Variants in PRKAR2A observed in about 807,000 individuals in gnomAD.
The protein encoded by PRKAR2A is protein kinase cAMP-dependent type II regulatory subunit alpha.
PRKAR2A carries 29 observed loss-of-function variants against 51.9 expected under a neutral mutation model. The ratio of observed to expected loss-of-function variants is 0.56; its 90% CI spans 0.42 to 0.76. The LOEUF is 0.76. PRKAR2A is among the 30% of genes least tolerant of loss of function. The probability of loss-of-function intolerance (pLI) is 0.00; values close to 1 mark genes in which losing one functional copy is unlikely to be tolerated. For missense variants in PRKAR2A, 445 were observed against 512.1 expected (o/e 0.87, Z 1.26); for synonymous variants, 178 against 186.2 (o/e 0.96, Z 0.36).
At chr3:48,753,327 A>C (rs1287546335) in intron 9 of PRKAR2A, among the ~76,000 whole-genome samples, 1 of 152,056 alleles carries the variant, frequency 6.6e-6, no homozygotes, top group African/African-American at 2.4e-5. Flanking sequence ...TGCTAACCAA[A>C]GTGATAATTT....
At chr3:48,768,376 C>A (rs545627178) in intron 6 of PRKAR2A, among the ~76,000 whole-genome samples, 15 of 151,808 alleles carry the variant, frequency 9.9e-5, no homozygotes, top group Non-Finnish European at 2.1e-4. Context: ...GACAGACACA[C>A]ACACACACAT....
At chr3:48,769,003 G>T (rs1205085383) in intron 6 of PRKAR2A, among the ~76,000 whole-genome samples, 1 of 151,366 alleles carries the variant, frequency 6.6e-6, no homozygotes, top group Non-Finnish European at 1.5e-5. Flanking sequence ...AGGAGGCTGA[G>T]GCAGGAGAAT....
Position 48,749,707 on chromosome 3 carries a change from CCT to C in PRKAR2A, c.*1876_*1877del, listed in dbSNP as rs2081615205. On this transcript the variant is annotated 3_prime_UTR_variant, in exon 11 of 11. Coordinates refer to ENST00000265563, the MANE Select transcript of PRKAR2A (RefSeq NM_004157.4). ...ATGTTGGCCAGGCTGGTCTTGAACC[CCT>C]GACCTCGTGATCCGCCCGCCTCGGC... is the stretch of plus-strand genomic sequence containing the variant. The C allele has an allele frequency of 6.6e-6, 1 of 152,044 alleles. No homozygotes were observed. The allele number at this position is 152,044 out of a possible 1,614,324, so 9.4% of individuals were successfully genotyped here.
At chr3:48,817,119 G>C (rs1158938434) in intron 1 of PRKAR2A, among the ~76,000 whole-genome samples, 1 of 150,912 alleles carries the variant, frequency 6.6e-6, no homozygotes, top group East Asian at 2.0e-4. Flanking sequence ...ACGAGATCAA[G>C]AGATTGAGAC....
intron 1 of PRKAR2A, among the ~76,000 whole-genome samples, chr3:48,812,013 G>A (rs1350900631): frequency 6.6e-6 from 1 of 151,966 alleles, no homozygotes; most frequent in Admixed American, 6.6e-5. Flanking sequence ...ACTTTTGGGG[G>A]TGAAAAATGT....
Position 48,751,716 on chromosome 3 carries a change from T to C in PRKAR2A, c.1084A>G (p.Met362Val). 6.2e-7 allele frequency: 1 copy of C among 1,609,564 alleles called. No homozygotes were observed. Among genetic ancestry groups the C allele is most frequent in the Non-Finnish European group, 8.5e-7 (1 of 1,176,544 alleles). The change falls in exon 11 of 11, where the codon ATG (methionine) becomes GTG (valine). Residue 362 changes from methionine (M) to valine (V), a missense_variant and splice_region_variant. Transcript: ENST00000265563. ...AGCCTCTCGAATGCTTGTACATCCA[T>C]AACTGCATTGTTAAAAAGAGGTGAG... ...YAVGDVKCLV[M>V]DVQAFERLLG...
At chr3:48,809,679 C>G (rs1456081516) in intron 1 of PRKAR2A, among the ~76,000 whole-genome samples, 4 of 146,844 alleles carry the variant, frequency 2.7e-5, no homozygotes, top group Non-Finnish European at 3.0e-5. Flanking sequence ...AAATGCCAAT[C>G]AAATGAAATT....
At chr3:48,810,461 C>T (rs546197239) in intron 1 of PRKAR2A, among the ~76,000 whole-genome samples, 1 of 152,258 alleles carries the variant, frequency 6.6e-6, no homozygotes, top group South Asian at 2.1e-4. Flanking sequence ...TATGCCTATA[C>T]ACTACTTCAT....
At chr3:48,826,038 C>T (rs1362054218) in intron 1 of PRKAR2A, among the ~76,000 whole-genome samples, 2 of 152,146 alleles carry the variant, frequency 1.3e-5, no homozygotes, top group South Asian at 2.1e-4. Context: ...TAAGGCAGCA[C>T]GATCACTGGA....
chr3:48,810,886 T>C (rs1031752472), intron 1 of PRKAR2A, among the ~76,000 whole-genome samples: 11 of 152,148 alleles, frequency 7.2e-5, no homozygotes, highest in Non-Finnish European at 1.2e-4. Flanking sequence ...CCTATAAGAA[T>C]TGACAAGGGG....
intron 1 of PRKAR2A, among the ~76,000 whole-genome samples, chr3:48,820,372 T>C (rs9835307): frequency 0.68 from 102,803 of 152,112 alleles, 35,294 homozygotes; most frequent in East Asian, 0.96. Context: ...GTAACGGGAA[T>C]GGAGAAAAGG....
At chr3:48,756,689 T>C (rs1233363656) in intron 8 of PRKAR2A, among the ~76,000 whole-genome samples, 1 of 152,144 alleles carries the variant, frequency 6.6e-6, no homozygotes, top group Non-Finnish European at 1.5e-5. Context: ...GGCATGCAGA[T>C]ATACGCGAAG....
intron 2 of PRKAR2A, among the ~76,000 whole-genome samples, chr3:48,806,776 TC>T (rs1181611237): frequency 1.3e-5 from 2 of 151,988 alleles, no homozygotes; most frequent in African/African-American, 4.8e-5. Context: ...TGGAAAGCAT[TC>T]TTTTTTTTTT....
intron 2 of PRKAR2A, among the ~76,000 whole-genome samples, chr3:48,801,441 C>A (rs932998934): frequency 2.0e-5 from 3 of 152,120 alleles, no homozygotes; most frequent in African/African-American, 7.2e-5. Flanking sequence ...GTGTGAGCCA[C>A]CATGCCCAGC....
intron 1 of PRKAR2A, among the ~76,000 whole-genome samples, chr3:48,836,506 ACTTAAATGCAAAAGATAAAACT>A (rs2083290299): frequency 1.3e-5 from 2 of 149,270 alleles, no homozygotes; most frequent in African/African-American, 4.9e-5. Context: ...TGTACCAAAG[ACTTAAATGCAAAAGATAAAACT>A]ATAAACTTCT....
At chr3:48,840,568 T>G (rs1331199151) in intron 1 of PRKAR2A, among the ~76,000 whole-genome samples, 1 of 18,476 alleles carries the variant, frequency 5.4e-5, no homozygotes, top group Non-Finnish European at 1.2e-4. Flanking sequence ...TGTTTTCACC[T>G]TTTTTTTTTT....
At chr3:48,757,596 A>G (rs1418463642) in intron 8 of PRKAR2A, among the ~76,000 whole-genome samples, 1 of 152,214 alleles carries the variant, frequency 6.6e-6, no homozygotes, top group African/African-American at 2.4e-5. Context: ...CTAAAATAGA[A>G]ACAAACTGAA....
At chr3:48,832,137 T>C (rs1466776258) in intron 1 of PRKAR2A, among the ~76,000 whole-genome samples, 1 of 151,484 alleles carries the variant, frequency 6.6e-6, no homozygotes, top group Non-Finnish European at 1.5e-5. Context: ...CTATTAAAAA[T>C]ACAAAAACTA....
chr3:48,751,038 TG>T lies in PRKAR2A; in HGVS notation c.*546del. The T allele has an allele frequency of 9.2e-6, 3 of 327,728 alleles. No individual in the cohort carries two copies. Among genetic ancestry groups the T allele is most frequent in the South Asian group, 7.7e-5 (3 of 38,806 alleles). The allele number at this position is 327,728 out of a possible 1,614,324, so 20.3% of individuals were successfully genotyped here. On this transcript the variant is annotated 3_prime_UTR_variant, in exon 11 of 11. Coordinates refer to ENST00000265563, the MANE Select transcript of PRKAR2A (RefSeq NM_004157.4). ...CTGTCAGCAGAAAGTACAATGCCAC[TG>T]GGCTACATATGTCCATATCATCCAC...
Sources: gnomAD v4.1 joint callset for allele counts (sites outside exome capture counted in the v4.1 genomes callset) on GRCh38, gnomAD v4.1.1 for gene constraint, MANE v1.5 for transcripts, NCBI Gene and HGNC (gene_info 2026-07-23, HGNC 2026-07-21) for gene names.